MYOZ1: variants seen among roughly 807,000 people sequenced by gnomAD.
MYOZ1 encodes myozenin 1.
In MYOZ1, 20 loss-of-function variants were observed where a neutral mutation model predicts 28.7. That is an observed-to-expected ratio of 0.70 (90% CI 0.49 to 1.01). MYOZ1 has a LOEUF of 1.01. Among genes scored for constraint, MYOZ1 ranks in the 50% least tolerant of loss-of-function variants. The pLI is 0.00. For missense variants in MYOZ1, 371 were observed against 372.4 expected, an observed-to-expected ratio of 1.00 and a Z score of 0.03; for synonymous variants, 144 against 145.8, an observed-to-expected ratio of 0.99 and a Z score of 0.09.
rs772911864 is a variant in MYOZ1 at position 73,634,705 on chromosome 10, A to G, written c.281T>C (p.Val94Ala). Residue 94 changes from valine (V) to alanine (A), a missense_variant, in exon 4 of 6, where the codon GTG becomes GCG. By Grantham distance (64) the Val-to-Ala change is moderately conservative. Coordinates refer to ENST00000359322, the MANE Select transcript of MYOZ1 (RefSeq NM_021245.4). ...ACCAGCTGTGCCCAGCTGTCCCCCC[A>G]CTGTTGGAAGGAACTTCTGGAAGTG... ...MDHFQKFLPT[V>A]GGQLGTAGQG... 6 of 1,613,666 alleles carry G rather than the reference A, an allele frequency of 3.7e-6. No individual in the cohort carries two copies. The South Asian group carries it at 6.6e-5, about 18-fold the overall frequency.
At chr10:73,633,871 G>A in intron 5 of MYOZ1, 29 bp downstream of exon 5, 1 of 1,577,594 alleles carries the variant, frequency 6.3e-7, no homozygotes, top group South Asian at 1.2e-5. Flanking sequence ...ACACTAGAAT[G>A]CATCTGGTTC....
chr10:73,639,982 CTT>C lies in MYOZ1; in HGVS notation c.34_35del (p.Lys12GlufsTer61). The C allele has an allele frequency of 6.2e-7, 1 of 1,613,992 alleles. No homozygotes were observed. The highest frequency in any genetic ancestry group is 8.5e-7 in the Non-Finnish European group (1 of 1,179,968). On this transcript the variant is annotated frameshift_variant, in exon 2 of 6. Coordinates refer to ENST00000359322, the MANE Select transcript of MYOZ1 (RefSeq NM_021245.4). LOFTEE classifies it high-confidence loss of function. ...CCATGATCAGCTTGCTGGATTTCCTCTTCTTATTAGGGGCCGGGGTTCCTGAG... is the reference window on the plus strand; with the variant it reads ...CCATGATCAGCTTGCTGGATTTCCTCCTTATTAGGGGCCGGGGTTCCTGAG... ...PLSGTPAPNK[K>X]RKSSKLIMEL...
chr10:73,639,542 G>C (rs6480707), intron 2 of MYOZ1, among the ~76,000 whole-genome samples: 10,667 of 152,200 alleles, frequency 0.07, 1,218 homozygotes, highest in African/African-American at 0.24. Flanking sequence ...CAGGAAACAT[G>C]CCTGTGCAGT....
chr10:73,637,979 G>C, intron 2 of MYOZ1, 57 bp from the exon 3 acceptor site: 1 of 1,527,394 alleles, frequency 6.5e-7, no homozygotes, highest in South Asian at 1.2e-5. Flanking sequence ...GGTTTTCTGG[G>C]CTCAGAATGC....
At chr10:73,639,345 C>G (rs975202801) in intron 2 of MYOZ1, among the ~76,000 whole-genome samples, 1 of 152,064 alleles carries the variant, frequency 6.6e-6, no homozygotes, top group African/African-American at 2.4e-5. Flanking sequence ...CAGTCTCAAA[C>G]CCCTGAGTTC....
intron 1 of MYOZ1, among the ~76,000 whole-genome samples, chr10:73,641,063 C>A (rs2081700999): frequency 6.6e-6 from 1 of 152,210 alleles, no homozygotes; most frequent in Non-Finnish European, 1.5e-5. Context: ...AAGGGACAAA[C>A]TGGGATAAGA....
At chr10:73,632,917 T>C (rs1308903159) in intron 5 of MYOZ1, among the ~76,000 whole-genome samples, 2 of 152,184 alleles carry the variant, frequency 1.3e-5, no homozygotes, top group East Asian at 3.8e-4. Context: ...AGAGTACCTT[T>C]CTAGCTCTTC....
chr10:73,632,164 G>C lies in MYOZ1; in HGVS notation c.669-3C>G. ...ATCCACCATAGGGCATTGCCGTCCT[G>C]AGAAGGGGACACATTATTTAATTAA... On this transcript the variant is annotated splice_region_variant and splice_polypyrimidine_tract_variant and intron_variant, in intron 5 of 5. Transcript: ENST00000359322. 6.2e-7 allele frequency: 1 copy of C among 1,611,084 alleles called. No homozygotes were observed. Among genetic ancestry groups the C allele is most frequent in the Non-Finnish European group, 8.5e-7 (1 of 1,177,222 alleles).
At position 73,631,905 on chromosome 10, in the gene MYOZ1, G is replaced by A. The variant is rs745491102; in HGVS notation, c.*25C>T. On this transcript the variant is annotated 3_prime_UTR_variant, in exon 6 of 6. Coordinates refer to ENST00000359322, the MANE Select transcript of MYOZ1 (RefSeq NM_021245.4). Reference sequence around the variant, plus strand: ...CAAATTGGAGCCAGAGAGGGGAAATGATGCAAATCAGAGGAGGAAACACCT... The same window carrying A: ...CAAATTGGAGCCAGAGAGGGGAAATAATGCAAATCAGAGGAGGAAACACCT... 4.4e-6 allele frequency: 7 copies of A among 1,595,784 alleles called. No homozygotes were observed. Among genetic ancestry groups the A allele is most frequent in the Non-Finnish European group, 6.0e-6 (7 of 1,163,952 alleles).
At position 73,637,188 on chromosome 10, in the gene MYOZ1, A is replaced by G. The variant is rs559960918; in HGVS notation, c.252+556T>C. ...CGACCACGCCCAGCTAATTTTTTGT[A>G]TTTTTAGTAGAGATGGGGGTTTCAC... On this transcript the variant is annotated intron_variant, in intron 3 of 5. Coordinates refer to ENST00000359322, the MANE Select transcript of MYOZ1 (RefSeq NM_021245.4). 1.7e-3 allele frequency among the ~76,000 whole-genome samples: 252 copies of G among 151,428 alleles called. 3 individuals carry two copies. Among genetic ancestry groups the G allele is most frequent in the Middle Eastern group, 0.01 (3 of 294 alleles).
intron 3 of MYOZ1, among the ~76,000 whole-genome samples, chr10:73,636,175 G>T (rs968982524): frequency 8.5e-5 from 13 of 152,166 alleles, no homozygotes; most frequent in Admixed American, 7.2e-4. Flanking sequence ...AGGAAGAAAG[G>T]AAATGGAGAA....
In MYOZ1 at chr10:73,634,955, G is replaced by A. The variant is rs543251813; in HGVS notation, c.253-222C>T. Among the ~76,000 whole-genome samples the A allele has an allele frequency of 1.2e-4, 18 of 152,054 alleles. No homozygotes were observed. In the East Asian group the frequency reaches 3.3e-3, roughly 28 times the overall value. On this transcript the variant is annotated intron_variant, in intron 3 of 5. Coordinates refer to ENST00000359322, the MANE Select transcript of MYOZ1 (RefSeq NM_021245.4). Reference sequence around the variant, plus strand: ...TGTGGTTTTTTTTAGACAGAGTTTCGCCCTTGTTGCCCAGGCTGGAGTGTG... The same window carrying A: ...TGTGGTTTTTTTTAGACAGAGTTTCACCCTTGTTGCCCAGGCTGGAGTGTG...
chr10:73,632,125 G>A lies in MYOZ1; in HGVS notation c.705C>T (p.Ser235=). ...TGGGCATCTGGAAGGTCATGCGTTT[G>A]GAGGCCTTCTCATATCCACCATAGG... ...AMPYGGYEKA[S]KRMTFQMPKF... Residue 235 remains serine (S), a synonymous_variant, in exon 6 of 6, where the codon TCC becomes TCT. Transcript: ENST00000359322. The A allele has an allele frequency of 6.2e-7, 1 of 1,614,170 alleles. No individual in the cohort carries two copies. The highest frequency in any genetic ancestry group is 8.5e-7 in the Non-Finnish European group (1 of 1,180,020).
rs763908704 is a variant in MYOZ1 at position 73,634,502 on chromosome 10, C to A, written c.484G>T (p.Val162Phe). 4.3e-6 allele frequency: 7 copies of A among 1,614,112 alleles called. No individual in the cohort carries two copies. Among genetic ancestry groups the A allele is most frequent in the Admixed American group, 1.7e-5 (1 of 60,016 alleles). ...GRGGAAGTAG[V>F]GETGSGDQAG... ...TACTTGCCTGATCCTGTCTCACCAA[C>A]CCCTGCTGTGCCAGCAGCTCCTCCT... Residue 162 changes from valine (V) to phenylalanine (F), a missense_variant, in exon 4 of 6, where the codon GTT (valine) becomes TTT (phenylalanine). Physicochemically the swap from Val to Phe is conservative, Grantham distance 50. Coordinates refer to ENST00000359322, the MANE Select transcript of MYOZ1 (RefSeq NM_021245.4).
At chr10:73,638,292 C>CATATATATATATATAT (rs56801610) in intron 2 of MYOZ1, among the ~76,000 whole-genome samples, 193 of 143,200 alleles carry the variant, frequency 1.3e-3, no homozygotes, top group African/African-American at 4.8e-3. Flanking sequence ...ATACAGATGC[C>CATATATATATATATAT]ATATATATAT....
intron 5 of MYOZ1, 78 bp from the exon 6 acceptor site, chr10:73,632,239 G>T: frequency 7.9e-7 from 1 of 1,267,324 alleles, no homozygotes; most frequent in Non-Finnish European, 1.1e-6. Flanking sequence ...TACCCTCTTT[G>T]AGAATAGGGA....
At position 73,637,846 on chromosome 10, in the gene MYOZ1, C is replaced by A; in HGVS notation, c.150G>T (p.Ser50=). Residue 50 remains serine, a synonymous_variant, in exon 3 of 6, where the codon TCG becomes TCT. Coordinates refer to ENST00000359322, the MANE Select transcript of MYOZ1 (RefSeq NM_021245.4). The part of the protein sequence containing the change: ...VPRDVMLEEL[S]LLTNRGSKMF... ...TCTTGGAGCCCCGGTTGGTAAGCAG[C>A]GACAGTTCCTCCAACATCACATCCC... is the stretch of plus-strand genomic sequence containing the variant. 2.5e-6 allele frequency: 4 copies of A among 1,614,108 alleles called. No individual in the cohort carries two copies. The highest frequency in any genetic ancestry group is 3.4e-6 in the Non-Finnish European group (4 of 1,180,014).
chr10:73,637,993 C>T (rs1404569834), intron 2 of MYOZ1, 71 bp from the exon 3 acceptor site: 10 of 1,423,252 alleles, frequency 7.0e-6, no homozygotes, highest in Non-Finnish European at 8.7e-6. Flanking sequence ...AGAATGCAGA[C>T]CTCATCCACA....
At chr10:73,638,638 T>TTTTATTTATTTATTTATTTA (rs71482554) in intron 2 of MYOZ1, among the ~76,000 whole-genome samples, 2 of 124,114 alleles carry the variant, frequency 1.6e-5, no homozygotes, top group East Asian at 2.8e-4. Flanking sequence ...CCAGCCTACA[T>TTTTATTTATTTATTTATTTA]TTTATTTATT....
Sources: allele counts gnomAD v4.1 joint callset (sites outside exome capture counted in the v4.1 genomes callset), GRCh38; gene constraint gnomAD v4.1.1; transcripts MANE v1.5; gene names NCBI Gene and HGNC (gene_info 2026-07-23, HGNC 2026-07-21).